The following NRF1 variants were observed in gnomAD, a reference collection of about 807,000 sequenced individuals.
NRF1 encodes nuclear respiratory factor 1.
In NRF1, 5 loss-of-function variants were observed where a neutral mutation model predicts 58.5. The observed-to-expected ratio is 0.09, with a 90% CI of 0.04 to 0.18. The LOEUF is 0.18. Among genes scored for constraint, NRF1 ranks in the 10% least tolerant of loss-of-function variants. The pLI is 1.00. For synonymous variants in NRF1, 224 were observed against 246.7 expected (o/e 0.91, Z 0.86); for missense variants, 288 against 657.7 (o/e 0.44, Z 6.15).
At chr7:129,711,138 T>C (rs1331015813) in intron 7 of NRF1, among the ~76,000 whole-genome samples, 1 of 152,148 alleles carries the variant, frequency 6.6e-6, no homozygotes, top group Non-Finnish European at 1.5e-5. Flanking sequence ...ATATTCCTTC[T>C]GAATGACCTC....
At chr7:129,734,762 G>A (rs1403852730) in intron 10 of NRF1, among the ~76,000 whole-genome samples, 9 of 152,236 alleles carry the variant, frequency 5.9e-5, no homozygotes, top group Non-Finnish European at 1.2e-4. Context: ...CTGGAGTTGG[G>A]TGGTGGGCTA....
intron 1 of NRF1, among the ~76,000 whole-genome samples, chr7:129,644,045 C>CT (rs1032598838): frequency 2.6e-5 from 4 of 152,338 alleles, no homozygotes; most frequent in Admixed American, 6.5e-5. Context: ...ACTGTAGACT[C>CT]TGTCATTTCC....
chr7:129,634,913 AAAT>A (rs1292465007), intron 1 of NRF1, among the ~76,000 whole-genome samples: 2 of 152,182 alleles, frequency 1.3e-5, no homozygotes, highest in Non-Finnish European at 2.9e-5. Context: ...GTCCCTACAT[AAAT>A]AATACCAGCT....
intron 1 of NRF1, among the ~76,000 whole-genome samples, chr7:129,620,408 A>C (rs900291860): frequency 9.3e-5 from 11 of 118,020 alleles, no homozygotes; most frequent in Non-Finnish European, 1.4e-4. Flanking sequence ...TTTTTTTTTG[A>C]GATAGAGTCT....
At position 129,705,876 on chromosome 7, in the gene NRF1, G is replaced by A. The variant is rs375890400; in HGVS notation, c.607-3199G>A. Among the ~76,000 whole-genome samples the A allele has an allele frequency of 2.0e-4, 30 of 152,286 alleles. No homozygotes were observed. In the South Asian group the frequency reaches 6.0e-3, roughly 31 times the overall value. On this transcript the variant is annotated intron_variant, in intron 5 of 10. Transcript: ENST00000393232. Reference sequence around the variant, plus strand: ...GGATCCCTTGAGCCCTGGAGGTTGAGGCTGCATTGAACTGTGATCATGCCA... The same window carrying A: ...GGATCCCTTGAGCCCTGGAGGTTGAAGCTGCATTGAACTGTGATCATGCCA...
chr7:129,635,860 C>T (rs1303582872), intron 1 of NRF1, among the ~76,000 whole-genome samples: 1 of 152,044 alleles, frequency 6.6e-6, no homozygotes, highest in Non-Finnish European at 1.5e-5. Flanking sequence ...TAATTTCCTA[C>T]CTTTTTTTTT....
intron 10 of NRF1, among the ~76,000 whole-genome samples, chr7:129,737,924 A>G (rs937898111): frequency 3.3e-5 from 5 of 152,186 alleles, no homozygotes; most frequent in Non-Finnish European, 7.3e-5. Flanking sequence ...CCCCTAAGCA[A>G]CTGTTTTTTG....
intron 5 of NRF1, among the ~76,000 whole-genome samples, chr7:129,695,118 A>G (rs1802657256): frequency 6.6e-6 from 1 of 152,180 alleles, no homozygotes; most frequent in African/African-American, 2.4e-5. Flanking sequence ...CATTTTTTAT[A>G]TACTGTAATT....
chr7:129,617,081 A>G (rs1800674482), intron 1 of NRF1, among the ~76,000 whole-genome samples: 1 of 152,200 alleles, frequency 6.6e-6, no homozygotes, highest in African/African-American at 2.4e-5. Flanking sequence ...TGTGGTAACA[A>G]ATGTGAAAAG....
chr7:129,685,846 T>A (rs1315332725), intron 4 of NRF1, among the ~76,000 whole-genome samples: 2 of 151,792 alleles, frequency 1.3e-5, no homozygotes, highest in Non-Finnish European at 2.9e-5. Flanking sequence ...TGGTGGCTCA[T>A]GTCTGTAATC....
intron 2 of NRF1, among the ~76,000 whole-genome samples, chr7:129,668,588 A>G (rs943321693): frequency 2.0e-5 from 3 of 152,228 alleles, no homozygotes; most frequent in African/African-American, 7.2e-5. Context: ...AAATAGTCCA[A>G]GTATCCATCA....
At chr7:129,639,585 G>A (rs1054514366) in intron 1 of NRF1, among the ~76,000 whole-genome samples, 2 of 134,254 alleles carry the variant, frequency 1.5e-5, no homozygotes, top group Non-Finnish European at 3.1e-5. Context: ...TTGCTCTGTC[G>A]CCCAGGCTGC....
chr7:129,699,787 A>G (rs1013173645), intron 5 of NRF1, among the ~76,000 whole-genome samples: 6 of 151,890 alleles, frequency 4.0e-5, no homozygotes, highest in Admixed American at 3.3e-4. Flanking sequence ...ATGGGGAGGT[A>G]GAAGTCAGGA....
chr7:129,670,359 G>C (rs1033369742), intron 2 of NRF1, among the ~76,000 whole-genome samples: 1 of 152,072 alleles, frequency 6.6e-6, no homozygotes, highest in Non-Finnish European at 1.5e-5. Context: ...GTAAAATGTT[G>C]GTAAATGCAG....
intron 1 of NRF1, among the ~76,000 whole-genome samples, chr7:129,638,085 A>G (rs554991261): frequency 1.4e-4 from 21 of 148,694 alleles, no homozygotes; most frequent in African/African-American, 5.2e-4. Context: ...TTTTTTGTAC[A>G]TTGCTACTGG....
At chr7:129,674,158 T>C (rs114401656) in intron 3 of NRF1, among the ~76,000 whole-genome samples, 2,308 of 151,986 alleles carry the variant, frequency 0.015, 54 homozygotes, top group African/African-American at 0.053. Flanking sequence ...AAAAAAGCTG[T>C]TTTCATTTCA....
At chr7:129,714,305 A>T (rs74598514) in intron 8 of NRF1, among the ~76,000 whole-genome samples, 6,476 of 152,280 alleles carry the variant, frequency 0.043, 168 homozygotes, top group Middle Eastern at 0.12. Flanking sequence ...GTTGTAACTA[A>T]AAGTATCTAT....
chr7:129,634,041 A>AAAAAAAATATATAT (rs1163693215), intron 1 of NRF1, among the ~76,000 whole-genome samples: 32 of 113,768 alleles, frequency 2.8e-4, no homozygotes, highest in African/African-American at 1.1e-3. Context: ...AAAAAAAAAA[A>AAAAAAAATATATAT]AGATATATAT....
intron 1 of NRF1, among the ~76,000 whole-genome samples, chr7:129,654,176 C>T (rs1418676972): frequency 1.3e-5 from 2 of 152,178 alleles, no homozygotes; most frequent in Non-Finnish European, 1.5e-5. Flanking sequence ...TAAATAGATG[C>T]GTAGTGATAT....
Sources: allele counts gnomAD v4.1 joint callset (sites outside exome capture counted in the v4.1 genomes callset), GRCh38; gene constraint gnomAD v4.1.1; transcripts MANE v1.5; gene names NCBI Gene and HGNC (gene_info 2026-07-23, HGNC 2026-07-21).